The following IL1RAPL1 variants were observed in gnomAD, a reference collection of about 807,000 sequenced individuals.
IL1RAPL1 encodes the protein interleukin 1 receptor accessory protein like 1, also known as interleukin-1 receptor accessory protein-like 1.
A neutral mutation model predicts 48.4 loss-of-function variants in IL1RAPL1; 3 were observed. The observed-to-expected ratio is 0.06, with a 90% confidence interval of 0.03 to 0.16. The LOEUF (loss-of-function observed/expected upper bound fraction) is 0.16, where lower values mean the gene tolerates loss of function less well. Among genes scored for constraint, IL1RAPL1 ranks in the 10% least tolerant of loss-of-function variants. The pLI is 1.00. For synonymous variants in IL1RAPL1, 185 were observed against 187.7 expected (o/e 0.99, Z 0.12); for missense variants, 349 against 530.6 (o/e 0.66, Z 3.36).
chrX:29,097,901 A>G (rs1014917224), intron 2 of IL1RAPL1, among the ~76,000 whole-genome samples: 1 of 112,071 alleles, frequency 8.9e-6, no homozygotes, highest in Non-Finnish European at 1.9e-5. Flanking sequence ...GACCTTGCTG[A>G]CTTCCAGACC....
At chrX:28,878,365 G>A (rs367608033) in intron 2 of IL1RAPL1, among the ~76,000 whole-genome samples, 2 of 111,225 alleles carry the variant, frequency 1.8e-5, no homozygotes, top group Admixed American at 9.6e-5. Flanking sequence ...GTGGCATGAC[G>A]GCATGATCAT....
chrX:28,688,435 C>G (rs1017490992), intron 1 of IL1RAPL1, among the ~76,000 whole-genome samples: 1 of 111,248 alleles, frequency 9.0e-6, no homozygotes, highest in African/African-American at 3.3e-5. Context: ...GTGTTGAACT[C>G]CTGGCCTCAA....
intron 5 of IL1RAPL1, among the ~76,000 whole-genome samples, chrX:29,562,459 G>C (rs1922268663): frequency 9.0e-6 from 1 of 110,834 alleles, no homozygotes; most frequent in African/African-American, 3.3e-5. Context: ...CAGCAGCAGA[G>C]AGTGTTAAGC....
intron 3 of IL1RAPL1, among the ~76,000 whole-genome samples, chrX:29,349,568 A>G (rs1933195249): frequency 9.0e-6 from 1 of 111,184 alleles, no homozygotes; most frequent in Non-Finnish European, 1.9e-5. Context: ...ATTTTGGGGC[A>G]TTGTTTTCTG....
chrX:29,294,050 AT>A (rs1452456920), intron 3 of IL1RAPL1, among the ~76,000 whole-genome samples: 156 of 110,054 alleles, frequency 1.4e-3, no homozygotes, highest in African/African-American at 5.1e-3. Context: ...AAAAAAAAAA[AT>A]AAATGAATAA....
chrX:28,857,999 C>T (rs1921846234), intron 2 of IL1RAPL1, among the ~76,000 whole-genome samples: 1 of 111,747 alleles, frequency 8.9e-6, no homozygotes, highest in African/African-American at 3.2e-5. Context: ...TCCACATTAT[C>T]AGGAGTTTGG....
At chrX:29,943,540 T>C (rs1933168502) in intron 9 of IL1RAPL1, among the ~76,000 whole-genome samples, 1 of 112,514 alleles carries the variant, frequency 8.9e-6, no homozygotes. Context: ...ATTTGTATTT[T>C]TTTTAAATTT....
At chrX:29,582,175 A>G (rs1922984416) in intron 5 of IL1RAPL1, among the ~76,000 whole-genome samples, 1 of 111,056 alleles carries the variant, frequency 9.0e-6, no homozygotes, top group African/African-American at 3.3e-5. Context: ...ATATTTGCTT[A>G]TGGACAGGTC....
chrX:29,492,222 G>A (rs950995716), intron 5 of IL1RAPL1, among the ~76,000 whole-genome samples: 1 of 112,420 alleles, frequency 8.9e-6, no homozygotes, highest in African/African-American at 3.2e-5. Flanking sequence ...CGTAAGTGAA[G>A]TCTTATTTAC....
At chrX:29,832,706 T>G (rs1299499479) in intron 6 of IL1RAPL1, among the ~76,000 whole-genome samples, 2 of 75,090 alleles carry the variant, frequency 2.7e-5, no homozygotes, top group Non-Finnish European at 4.4e-5. Flanking sequence ...TTTGTTTTTG[T>G]TTTTTTTTTT....
chrX:29,257,949 C>T (rs1931783181), intron 2 of IL1RAPL1, among the ~76,000 whole-genome samples: 1 of 111,425 alleles, frequency 9.0e-6, no homozygotes, highest in Non-Finnish European at 1.9e-5. Flanking sequence ...ATTCCTTTGA[C>T]AACATTTGTG....
chrX:29,494,776 C>A (rs1266129345), intron 5 of IL1RAPL1, among the ~76,000 whole-genome samples: 3 of 112,256 alleles, frequency 2.7e-5, no homozygotes, highest in African/African-American at 9.7e-5. Flanking sequence ...AGCTTTACTT[C>A]TTTCATTCTT....
intron 5 of IL1RAPL1, among the ~76,000 whole-genome samples, chrX:29,438,851 G>A (rs1430570647): frequency 9.0e-6 from 1 of 110,816 alleles, no homozygotes; most frequent in Non-Finnish European, 1.9e-5. Flanking sequence ...TCTTTGAGTG[G>A]ATTTTTCTAT....
At chrX:29,689,853 C>T (rs1321306329) in intron 6 of IL1RAPL1, among the ~76,000 whole-genome samples, 3 of 111,669 alleles carry the variant, frequency 2.7e-5, no homozygotes, top group Non-Finnish European at 3.8e-5. Context: ...TATGTATATA[C>T]ATATATATTC....
intron 6 of IL1RAPL1, among the ~76,000 whole-genome samples, chrX:29,790,994 CT>C (rs1929616022): frequency 9.0e-6 from 1 of 110,774 alleles, no homozygotes; most frequent in Non-Finnish European, 1.9e-5. Context: ...TCATTTTCAT[CT>C]TGGAACCTTG....
chrX:29,096,016 C>G (rs566390807), intron 2 of IL1RAPL1, among the ~76,000 whole-genome samples: 1 of 111,785 alleles, frequency 8.9e-6, no homozygotes, highest in East Asian at 2.8e-4. Flanking sequence ...CAAACTCTAA[C>G]TCTCTTACAT....
chrX:29,722,135 A>C (rs770031671), intron 6 of IL1RAPL1, among the ~76,000 whole-genome samples: 11 of 111,730 alleles, frequency 9.8e-5, no homozygotes, highest in South Asian at 7.5e-4. Context: ...AATGATCACT[A>C]TAGTCAACCA....
At position 28,611,203 on chromosome X, in the gene IL1RAPL1, T is replaced by C. The variant is rs1934143507; in HGVS notation, c.-25+23156T>C. ...AAGAGCAAATCAGTATCTTAAGGTT[T>C]AAACTTCTTAGCTGCAGAGGAAGTT... is the stretch of plus-strand genomic sequence containing the variant. On this transcript the variant is annotated intron_variant, in intron 1 of 10. Transcript: ENST00000378993. Among the ~76,000 whole-genome samples the C allele has an allele frequency of 2.7e-5, 3 of 112,019 alleles. No homozygotes were observed. In the Admixed American group the frequency reaches 2.9e-4, roughly 11 times the overall value.
At chrX:29,681,011 AAAAT>A (rs1228177895) in intron 6 of IL1RAPL1, among the ~76,000 whole-genome samples, 119 of 112,701 alleles carry the variant, frequency 1.1e-3, no homozygotes, top group African/African-American at 3.8e-3. Context: ...AATGGATTAT[AAAAT>A]CAACTTCACG....
Sources: gnomAD v4.1 joint callset for allele counts (sites outside exome capture counted in the v4.1 genomes callset) on GRCh38, gnomAD v4.1.1 for gene constraint, MANE v1.5 for transcripts, NCBI Gene and HGNC (gene_info 2026-07-23, HGNC 2026-07-21) for gene names.